The following MS4A4E variants were observed in gnomAD, a reference collection of about 807,000 sequenced individuals.
MS4A4E encodes the protein putative membrane-spanning 4-domains subfamily A member 4E.
A neutral mutation model predicts 13.3 loss-of-function variants in MS4A4E; 23 were observed. The observed-to-expected ratio is 1.73, with a 90% CI of 1.25 to 2.45. The LOEUF (loss-of-function observed/expected upper bound fraction) is 2.45. Among genes scored for constraint, MS4A4E ranks in the 30% most tolerant of loss-of-function variants. The pLI, the probability that MS4A4E is intolerant of heterozygous loss-of-function variation, is 0.00. For synonymous variants in MS4A4E, 36 were observed against 45.6 expected, an observed-to-expected ratio of 0.79 and a Z score of 0.85; for missense variants, 144 against 131.2, an observed-to-expected ratio of 1.10 and a Z score of -0.48.
At chr11:60,231,228 T>C (rs2084406990) in intron 1 of MS4A4E, among the ~76,000 whole-genome samples, 1 of 151,954 alleles carries the variant, frequency 6.6e-6, no homozygotes, top group Admixed American at 6.5e-5. Flanking sequence ...AATGTATACA[T>C]TCAAAATTAT....
In MS4A4E at chr11:60,214,740, T is replaced by A. The variant is rs1590710865; in HGVS notation, c.179-126A>T. 5 of 493,098 alleles carry A rather than the reference T, an allele frequency of 1.0e-5. No homozygotes were observed. The East Asian group carries it at 1.7e-4, about 17-fold the overall frequency. 30.5% of individuals were successfully genotyped at this position (493,098 alleles called of 1,614,324 possible). On this transcript the variant is annotated intron_variant, in intron 3 of 8. Coordinates refer to ENST00000651255, the MANE Select transcript of MS4A4E (RefSeq NM_001393391.1). Reference sequence around the variant, plus strand: ...GATATGTATAAACAGGTCAATTATCTTAGAAAGCAAGAGATTGCACATAAT... The same window carrying A: ...GATATGTATAAACAGGTCAATTATCATAGAAAGCAAGAGATTGCACATAAT...
At chr11:60,212,403 G>A (rs952783107) in intron 5 of MS4A4E, among the ~76,000 whole-genome samples, 6 of 150,092 alleles carry the variant, frequency 4.0e-5, no homozygotes, top group Non-Finnish European at 5.9e-5. Flanking sequence ...TCCACCTCCT[G>A]GGTTCACGCC....
At chr11:60,242,858 C>T in intron 1 of MS4A4E, 100 bp downstream of exon 1, 3 of 823,366 alleles carry the variant, frequency 3.6e-6, no homozygotes, top group Non-Finnish European at 5.7e-6. Flanking sequence ...TGGGAAGTGA[C>T]CTCATTTTTT....
intron 8 of MS4A4E, among the ~76,000 whole-genome samples, chr11:60,204,197 G>T (rs1197243838): frequency 6.6e-6 from 1 of 152,192 alleles, no homozygotes; most frequent in Non-Finnish European, 1.5e-5. Context: ...CTAGGATTTA[G>T]TATGAGTTCT....
At chr11:60,207,388 T>C (rs183735852) in intron 6 of MS4A4E, among the ~76,000 whole-genome samples, 1 of 152,280 alleles carries the variant, frequency 6.6e-6, no homozygotes, top group Admixed American at 6.5e-5. Flanking sequence ...GAAAGTTACT[T>C]CACTTGATGA....
intron 3 of MS4A4E, among the ~76,000 whole-genome samples, chr11:60,227,063 A>G (rs1215159940): frequency 1.3e-5 from 2 of 152,186 alleles, no homozygotes; most frequent in African/African-American, 4.8e-5. Context: ...ATATTTAGGT[A>G]TTGGTATTTG....
At chr11:60,230,174 T>G in intron 1 of MS4A4E, 103 bp from the exon 2 acceptor site, 6 of 1,254,862 alleles carry the variant, frequency 4.8e-6, no homozygotes, top group Non-Finnish European at 6.4e-6. Flanking sequence ...CTGGTCTACA[T>G]TCCCCTCCAA....
At chr11:60,228,320 A>T (rs1463976674) in intron 3 of MS4A4E, among the ~76,000 whole-genome samples, 1 of 152,214 alleles carries the variant, frequency 6.6e-6, no homozygotes, top group East Asian at 1.9e-4. Context: ...AGATATGGAG[A>T]TGGTAAATAA....
At chr11:60,207,743 C>A (rs1301364982) in intron 6 of MS4A4E, among the ~76,000 whole-genome samples, 1 of 152,114 alleles carries the variant, frequency 6.6e-6, no homozygotes, top group Non-Finnish European at 1.5e-5. Context: ...AGGAGGATAT[C>A]CCACCCCATT....
At chr11:60,242,851 G>C in intron 1 of MS4A4E, 107 bp downstream of exon 1, 1 of 743,870 alleles carries the variant, frequency 1.3e-6, no homozygotes, top group South Asian at 1.9e-5. Context: ...TGGGTCATGG[G>C]AAGTGACCTC....
Position 60,241,173 on chromosome 11 carries a change from G to A in MS4A4E, c.-17+1785C>T, listed in dbSNP as rs946688325. 4.6e-5 allele frequency among the ~76,000 whole-genome samples: 7 copies of A among 152,258 alleles called. 1 individual carries two copies. In the South Asian group the frequency reaches 1.0e-3, roughly 23 times the overall value. On this transcript the variant is annotated intron_variant, in intron 1 of 8. Transcript: ENST00000651255. ...AGAGTAGCTGGGGCTACCGGCGCCT[G>A]CCACCACGCCTGGCTAATTTTTTTG...
rs1026407204 is a variant in MS4A4E at position 60,201,114 on chromosome 11, T to A, written c.*429A>T. 2 of 43,678 alleles carry A rather than the reference T, an allele frequency of 4.6e-5. No homozygotes were observed. Among genetic ancestry groups the A allele is most frequent in the South Asian group, 7.8e-4 (1 of 1,276 alleles). The allele number at this position is 43,678 out of a possible 1,614,324, so 2.7% of individuals were successfully genotyped here. Reference sequence around the variant, plus strand: ...GGACGGGGCGGCTGGCCGGGCGGGGTCTGACCCCCCCACCTCCCTCCCGGA... The same window carrying A: ...GGACGGGGCGGCTGGCCGGGCGGGGACTGACCCCCCCACCTCCCTCCCGGA... On this transcript the variant is annotated 3_prime_UTR_variant, in exon 9 of 9. Coordinates refer to ENST00000651255, the MANE Select transcript of MS4A4E (RefSeq NM_001393391.1).
intron 8 of MS4A4E, among the ~76,000 whole-genome samples, chr11:60,203,699 A>C (rs1357107575): frequency 6.6e-6 from 1 of 152,230 alleles, no homozygotes; most frequent in East Asian, 1.9e-4. Flanking sequence ...CATTGAGCCA[A>C]GATCATACCC....
intron 1 of MS4A4E, among the ~76,000 whole-genome samples, chr11:60,241,542 A>G (rs2084551710): frequency 6.6e-6 from 1 of 152,148 alleles, no homozygotes; most frequent in Admixed American, 6.5e-5. Context: ...TTCTTTGGTA[A>G]CATAGGTCAG....
intron 6 of MS4A4E, among the ~76,000 whole-genome samples, chr11:60,208,226 G>C (rs1437399007): frequency 2.0e-5 from 3 of 152,138 alleles, no homozygotes; most frequent in Non-Finnish European, 4.4e-5. Context: ...CATTATTCTG[G>C]ATGGACCTCA....
At chr11:60,215,318 A>T (rs1009912181) in intron 3 of MS4A4E, among the ~76,000 whole-genome samples, 9 of 151,974 alleles carry the variant, frequency 5.9e-5, no homozygotes, top group African/African-American at 2.2e-4. Flanking sequence ...TGGAAAAAAA[A>T]TAACAGTAGA....
intron 3 of MS4A4E, among the ~76,000 whole-genome samples, chr11:60,220,052 C>T (rs2084248908): frequency 6.6e-6 from 1 of 152,094 alleles, no homozygotes; most frequent in Non-Finnish European, 1.5e-5. Context: ...GTGGAAAAGG[C>T]CAAATGGAAG....
chr11:60,239,356 T>C (rs2134976544), intron 1 of MS4A4E, among the ~76,000 whole-genome samples: 1 of 152,350 alleles, frequency 6.6e-6, no homozygotes, highest in African/African-American at 2.4e-5. Context: ...GTCTTCCTAC[T>C]ATCACTTACT....
intron 1 of MS4A4E, among the ~76,000 whole-genome samples, chr11:60,232,773 A>G (rs2084428868): frequency 6.6e-6 from 1 of 152,118 alleles, no homozygotes; most frequent in Non-Finnish European, 1.5e-5. Context: ...AGGAGTGAGT[A>G]GCCATTGCAC....
Sources: gnomAD v4.1 joint callset for allele counts (sites outside exome capture counted in the v4.1 genomes callset) on GRCh38, gnomAD v4.1.1 for gene constraint, MANE v1.5 for transcripts, NCBI Gene and HGNC (gene_info 2026-07-23, HGNC 2026-07-21) for gene names.